The following TTC28 variants were observed in gnomAD, a reference collection of about 807,000 sequenced individuals.
TTC28 encodes the protein tetratricopeptide repeat domain 28.
Under a neutral mutation model 198.0 loss-of-function variants are expected in TTC28, and 61 were observed. The observed-to-expected ratio is 0.31, with a 90% CI of 0.25 to 0.38. The LOEUF (loss-of-function observed/expected upper bound fraction) is 0.38. Ranked by LOEUF, TTC28 falls within the 10% of genes least tolerant of loss-of-function variation. TTC28 has a pLI of 1.00. For missense variants in TTC28, 2,678 were observed against 3,164.0 expected (o/e 0.85, Z 3.69); for synonymous variants, 1,171 against 1,297.8 (o/e 0.90, Z 2.10).
chr22:28,662,045 T>C (rs1227797349), intron 1 of TTC28, among the ~76,000 whole-genome samples: 1 of 152,214 alleles, frequency 6.6e-6, no homozygotes, highest in Non-Finnish European at 1.5e-5. Flanking sequence ...TGGCTCAGTT[T>C]TGTAACTTTC....
At chr22:28,420,644 G>A (rs1416463332) in intron 2 of TTC28, among the ~76,000 whole-genome samples, 1 of 151,650 alleles carries the variant, frequency 6.6e-6, no homozygotes, top group Non-Finnish European at 1.5e-5. Context: ...GTCGCCCAGG[G>A]TGGAGTGCAG....
intron 1 of TTC28, among the ~76,000 whole-genome samples, chr22:28,662,565 A>G (rs958690767): frequency 1.3e-5 from 2 of 152,266 alleles, no homozygotes; most frequent in Admixed American, 1.3e-4. Context: ...GTACTGACAC[A>G]GAGTACACAC....
chr22:28,130,925 T>A (rs187582979), intron 6 of TTC28, among the ~76,000 whole-genome samples: 1 of 152,350 alleles, frequency 6.6e-6, no homozygotes, highest in Non-Finnish European at 1.5e-5. Flanking sequence ...TTCTAAAACA[T>A]ATATAGCTTC....
At chr22:28,033,188 C>A (rs1939203252) in intron 12 of TTC28, among the ~76,000 whole-genome samples, 1 of 152,194 alleles carries the variant, frequency 6.6e-6, no homozygotes, top group African/African-American at 2.4e-5. Context: ...CCCTCAGTAT[C>A]TCCTGCTTAA....
Position 28,594,466 on chromosome 22 carries a change from A to C in TTC28, c.381+35086T>G, listed in dbSNP as rs564857946. 3.7e-4 allele frequency among the ~76,000 whole-genome samples: 57 copies of C among 152,144 alleles called. 1 individual carries two copies. The highest frequency in any genetic ancestry group is 1.4e-3 in the African/African-American group (57 of 41,542). On this transcript the variant is annotated intron_variant, in intron 2 of 22. Transcript: ENST00000397906. ...TAAATTGAGAATCACTGAAGCAGCA[A>C]GCCACTGTTAGGATTTTAAGTTTAC...
intron 2 of TTC28, among the ~76,000 whole-genome samples, chr22:28,439,673 G>A (rs913132540): frequency 6.6e-6 from 1 of 152,108 alleles, no homozygotes; most frequent in Non-Finnish European, 1.5e-5. Context: ...CACATATAGA[G>A]CAATTAAAGA....
chr22:28,044,383 T>C (rs921263263), intron 12 of TTC28, among the ~76,000 whole-genome samples: 12 of 152,202 alleles, frequency 7.9e-5, no homozygotes, highest in African/African-American at 2.9e-4. Flanking sequence ...CAATGAATTC[T>C]GTGTGCTTTG....
intron 10 of TTC28, 86 bp downstream of exon 10, chr22:28,098,829 C>T (rs1035804047): frequency 7.6e-5 from 111 of 1,461,822 alleles, no homozygotes; most frequent in Non-Finnish European, 9.9e-5. Context: ...TTCTTCACCG[C>T]TGTCACTAAA....
At chr22:28,257,720 T>G (rs898806630) in intron 5 of TTC28, among the ~76,000 whole-genome samples, 42 of 135,222 alleles carry the variant, frequency 3.1e-4, no homozygotes, top group African/African-American at 1.2e-3. Context: ...ATTTTTACCA[T>G]CTTTAGATGG....
chr22:28,270,774 C>T (rs1932014564), intron 5 of TTC28, among the ~76,000 whole-genome samples: 1 of 152,158 alleles, frequency 6.6e-6, no homozygotes, highest in South Asian at 2.1e-4. Flanking sequence ...TGGCACATGC[C>T]TATAGTCCCA....
chr22:28,513,083 C>T (rs1035504726), intron 2 of TTC28, among the ~76,000 whole-genome samples: 5 of 147,856 alleles, frequency 3.4e-5, no homozygotes, highest in East Asian at 2.0e-4. Flanking sequence ...CTGGATCAGG[C>T]GATCCTCTCA....
rs1484937642 is a variant in TTC28, at chr22:27,982,803, C to G, written c.6864G>C (p.Leu2288=). 5.2e-6 allele frequency: 8 copies of G among 1,542,992 alleles called. No homozygotes were observed. Among genetic ancestry groups the G allele is most frequent in the Non-Finnish European group, 7.0e-6 (8 of 1,141,738 alleles). Residue 2288 remains leucine, a synonymous_variant, in exon 23 of 23, where the codon CTG becomes CTC. Transcript: ENST00000397906. The surrounding 1 kb of genome is among the most constrained non-coding windows in gnomAD (Gnocchi z 5.2). The part of the protein sequence containing the change: ...TSQLDQPLFK[L]KYPSSPYSAH... ...CGCTGTAAGGAGAGCTGGGGTACTT[C>G]AGTTTAAAGAGAGGCTGGTCCAGCT...
chr22:28,496,855 C>T (rs2048462134), intron 2 of TTC28, among the ~76,000 whole-genome samples: 1 of 152,130 alleles, frequency 6.6e-6, no homozygotes, highest in African/African-American at 2.4e-5. Flanking sequence ...CCCAGTCTAA[C>T]CCTTGGTCCT....
At chr22:28,140,351 C>T (rs540599711) in intron 6 of TTC28, among the ~76,000 whole-genome samples, 2 of 152,326 alleles carry the variant, frequency 1.3e-5, no homozygotes, top group East Asian at 1.9e-4. Context: ...GAGCAGCTAA[C>T]GGCTCTAGAA....
At chr22:28,504,015 G>A (rs533417403) in intron 2 of TTC28, among the ~76,000 whole-genome samples, 1 of 152,302 alleles carries the variant, frequency 6.6e-6, no homozygotes, top group South Asian at 2.1e-4. Context: ...TGAGTCAATA[G>A]ACTAATGTAA....
intron 2 of TTC28, among the ~76,000 whole-genome samples, chr22:28,446,222 A>G (rs2047698306): frequency 6.6e-6 from 1 of 151,688 alleles, no homozygotes; most frequent in Admixed American, 6.6e-5. Context: ...CCTGGAACAG[A>G]TACTGGAACA....
At chr22:28,373,806 C>A (rs1390777911) in intron 2 of TTC28, among the ~76,000 whole-genome samples, 3 of 6,684 alleles carry the variant, frequency 4.5e-4, no homozygotes, top group Non-Finnish European at 8.0e-4. Context: ...ACAGTATAGG[C>A]AAAAAACATA....
At chr22:28,677,175 AATATATAT>A (rs143954002) in intron 1 of TTC28, among the ~76,000 whole-genome samples, 1,288 of 69,390 alleles carry the variant, frequency 0.019, 67 homozygotes, top group Middle Eastern at 0.062. Flanking sequence ...AAAAAAAAAA[AATATATAT>A]ATATATATAT....
chr22:28,351,195 A>AG (rs1042080074), intron 2 of TTC28, among the ~76,000 whole-genome samples: 14 of 152,116 alleles, frequency 9.2e-5, no homozygotes, highest in Admixed American at 6.5e-5. Flanking sequence ...GAAAAAAAAA[A>AG]GAAACACTTC....
Sources: gnomAD v4.1 joint callset for allele counts (sites outside exome capture counted in the v4.1 genomes callset) on GRCh38, gnomAD v4.1.1 for gene constraint, Gnocchi (gnomAD v3.1) non-coding constraint, MANE v1.5 for transcripts, NCBI Gene and HGNC (gene_info 2026-07-23, HGNC 2026-07-21) for gene names.